KLF8: variants seen among roughly 807,000 people sequenced by gnomAD.
KLF8 encodes KLF transcription factor 8.
Under a neutral mutation model 18.2 loss-of-function variants are expected in KLF8, and 10 were observed. That is an observed-to-expected ratio of 0.55 (90% CI 0.34 to 0.93). The LOEUF (loss-of-function observed/expected upper bound fraction) is 0.93. Ranked by LOEUF, KLF8 falls within the 40% of genes least tolerant of loss-of-function variation. The pLI, the probability that KLF8 is intolerant of heterozygous loss-of-function variation, is 0.02. For synonymous variants in KLF8, 109 were observed against 97.3 expected, an observed-to-expected ratio of 1.12 and a Z score of -0.71; for missense variants, 264 against 277.9, an observed-to-expected ratio of 0.95 and a Z score of 0.36.
At chrX:55,996,863 C>T in the KLF8 span, among the ~76,000 whole-genome samples, 3 of 112,113 alleles carry the variant, frequency 2.7e-5, no homozygotes, top group Non-Finnish European at 3.8e-5. Context: ...TGGCAGGGTC[C>T]GTGCATACAT....
chrX:55,947,075 G>A, the KLF8 span, among the ~76,000 whole-genome samples: 1 of 111,525 alleles, frequency 9.0e-6, no homozygotes, highest in African/African-American at 3.3e-5. Context: ...GGAAGTCAGT[G>A]TGGCGATTCC....
At chrX:56,016,534 T>A in the KLF8 span, among the ~76,000 whole-genome samples, 18 of 112,132 alleles carry the variant, frequency 1.6e-4, no homozygotes, top group South Asian at 4.1e-3. Context: ...TCACATTTAT[T>A]AGACAATATA....
chrX:56,050,253 G>A, the KLF8 span, among the ~76,000 whole-genome samples: 1 of 111,213 alleles, frequency 9.0e-6, no homozygotes, highest in South Asian at 3.8e-4. Flanking sequence ...AGGGTTTTTT[G>A]TGTCTCTATT....
the KLF8 span, among the ~76,000 whole-genome samples, chrX:55,942,541 G>T: frequency 1.2e-4 from 13 of 111,235 alleles, no homozygotes; most frequent in Non-Finnish European, 1.7e-4. Context: ...AATAAAAAAA[G>T]AATCTAGTCA....
At chrX:56,003,317 G>T in the KLF8 span, among the ~76,000 whole-genome samples, 2 of 110,891 alleles carry the variant, frequency 1.8e-5, no homozygotes, top group Non-Finnish European at 3.8e-5. Flanking sequence ...GGCTGAGAGA[G>T]GAGAATTGCT....
At chrX:56,072,427 A>G in the KLF8 span, among the ~76,000 whole-genome samples, 3 of 111,889 alleles carry the variant, frequency 2.7e-5, no homozygotes, top group African/African-American at 6.5e-5. Context: ...TCAATAGTCT[A>G]TATTTGCAGT....
the KLF8 span, among the ~76,000 whole-genome samples, chrX:55,920,015 A>G: frequency 1.9e-4 from 21 of 111,950 alleles, no homozygotes; most frequent in East Asian, 5.6e-3. Flanking sequence ...AGTCCACTTC[A>G]CTTCCCTGCT....
chrX:56,042,100 G>T, the KLF8 span, among the ~76,000 whole-genome samples: 1 of 111,967 alleles, frequency 8.9e-6, no homozygotes, highest in African/African-American at 3.2e-5. Flanking sequence ...TAGTTTCACA[G>T]AACTTACTGA....
chrX:56,019,810 A>G, the KLF8 span, among the ~76,000 whole-genome samples: 3 of 112,045 alleles, frequency 2.7e-5, no homozygotes, highest in African/African-American at 3.2e-5. Flanking sequence ...AGGGAAAGGA[A>G]TGTAACACAT....
chrX:56,237,813 G>A (rs1164662814), intron 1 of KLF8, among the ~76,000 whole-genome samples: 10 of 111,823 alleles, frequency 8.9e-5, no homozygotes, highest in Admixed American at 2.9e-4. Flanking sequence ...CATGATCAGG[G>A]TGCCAACATG....
chrX:55,927,322 CTCTT>C, the KLF8 span, among the ~76,000 whole-genome samples: 4 of 112,319 alleles, frequency 3.6e-5, no homozygotes, highest in East Asian at 1.1e-3. Flanking sequence ...TCTCTGTCCT[CTCTT>C]TCTCTTCTAT....
the KLF8 span, among the ~76,000 whole-genome samples, chrX:55,948,785 G>A: frequency 0.046 from 5,136 of 111,142 alleles, 293 homozygotes; most frequent in African/African-American, 0.16. Context: ...CAGTTATGAG[G>A]TTGAGTCCTA....
At chrX:56,172,703 C>A in the KLF8 span, among the ~76,000 whole-genome samples, 2 of 112,028 alleles carry the variant, frequency 1.8e-5, no homozygotes, top group Non-Finnish European at 3.8e-5. Flanking sequence ...AATGGTAGAA[C>A]TAGTTTCCAG....
chrX:56,194,830 C>T, the KLF8 span, among the ~76,000 whole-genome samples: 1 of 112,018 alleles, frequency 8.9e-6, no homozygotes, highest in Non-Finnish European at 1.9e-5. Context: ...CTCATATAGG[C>T]AGCTACCCCT....
the KLF8 span, among the ~76,000 whole-genome samples, chrX:56,104,665 G>C: frequency 1.8e-5 from 2 of 111,289 alleles, no homozygotes; most frequent in African/African-American, 6.5e-5. Flanking sequence ...CAAAAAACCA[G>C]CTCCTGGATT....
the KLF8 span, among the ~76,000 whole-genome samples, chrX:56,007,814 T>C: frequency 9.0e-6 from 1 of 111,365 alleles, no homozygotes; most frequent in African/African-American, 3.3e-5. Context: ...TTAAAGTTTG[T>C]GATAGAATAA....
the KLF8 span, among the ~76,000 whole-genome samples, chrX:56,165,416 A>G: frequency 8.9e-6 from 1 of 112,520 alleles, no homozygotes; most frequent in Admixed American, 9.5e-5. Context: ...TGAGCTTTTC[A>G]TAATCTGTTA....
chrX:56,112,319 C>G, the KLF8 span, among the ~76,000 whole-genome samples: 4 of 110,844 alleles, frequency 3.6e-5, no homozygotes, highest in East Asian at 1.1e-3. Flanking sequence ...ACATCACACA[C>G]TGGGGCCTGC....
chrX:56,020,255 G>A, the KLF8 span, among the ~76,000 whole-genome samples: 9,505 of 110,204 alleles, frequency 0.086, 1,062 homozygotes, highest in African/African-American at 0.3. Flanking sequence ...GAGCTCTGGG[G>A]AAAAAAAAGG....
Sources: gnomAD v4.1 joint callset for allele counts (sites outside exome capture counted in the v4.1 genomes callset) on GRCh38, gnomAD v4.1.1 for gene constraint, MANE v1.5 for transcripts, NCBI Gene and HGNC (gene_info 2026-07-23, HGNC 2026-07-21) for gene names.